Variants in PGR observed in about 807,000 individuals in gnomAD.
PGR encodes the protein nuclear receptor subfamily 3 group C member 3.
PGR carries 25 observed loss-of-function variants against 76.1 expected under a neutral mutation model. The observed-to-expected ratio is 0.33, with a 90% CI of 0.24 to 0.46. The LOEUF is 0.46. PGR is among the 20% of genes least tolerant of loss of function. PGR has a pLI of 1.00. For synonymous variants in PGR, 579 were observed against 535.0 expected (o/e 1.08, Z -1.14); for missense variants, 1,172 against 1,225.3 (o/e 0.96, Z 0.65).
chr11:101,042,081 C>T lies in PGR; in HGVS notation c.2510G>A (p.Ser837Asn), dbSNP rs1473894794. Residue 837 changes from serine (S) to asparagine (N), a missense_variant, in exon 7 of 8, where the codon AGT becomes AAT. Ser to Asn is a conservative substitution (Grantham distance 46). Transcript: ENST00000325455. ...CCTCATCTCCTCAAACTGGGTTTGACTTCGTAGCCCTTCCAAAGGAACTGT... is the reference window on the plus strand; with the variant it reads ...CCTCATCTCCTCAAACTGGGTTTGATTTCGTAGCCCTTCCAAAGGAACTGT... ...LNTIPLEGLR[S>N]QTQFEEMRSS... 2 of 1,613,458 alleles carry T rather than the reference C, an allele frequency of 1.2e-6. No homozygotes were observed. Among genetic ancestry groups the T allele is most frequent in the Non-Finnish European group, 8.5e-7 (1 of 1,179,624 alleles).
At chr11:101,065,742 T>C (rs1215748486) in intron 3 of PGR, among the ~76,000 whole-genome samples, 1 of 152,032 alleles carries the variant, frequency 6.6e-6, no homozygotes, top group African/African-American at 2.4e-5. Context: ...GGGAGCTTTG[T>C]TGGCTGGAAG....
chr11:101,103,629 A>G (rs1417154136), intron 2 of PGR, among the ~76,000 whole-genome samples: 1 of 152,172 alleles, frequency 6.6e-6, no homozygotes, highest in Non-Finnish European at 1.5e-5. Context: ...ACCTGATGGA[A>G]TTTTTGCCAA....
chr11:101,128,917 G>T lies in PGR; in HGVS notation c.154C>A (p.Pro52Thr). The change falls in exon 1 of 8, where the codon CCT (proline) becomes ACT (threonine). Residue 52 changes from proline to threonine, a missense_variant. Coordinates refer to ENST00000325455, the MANE Select transcript of PGR (RefSeq NM_000926.4). ...AAGAGTAGCCCGTCCAGGGAGATAG[G>T]TATGGCCGAAACTTCAGGCAAGGTG... ...SDTLPEVSAI[P>T]ISLDGLLFPR... The T allele has an allele frequency of 6.2e-7, 1 of 1,613,560 alleles. No homozygotes were observed. Among genetic ancestry groups the T allele is most frequent in the Non-Finnish European group, 8.5e-7 (1 of 1,179,742 alleles).
rs567363341 is a variant in PGR at position 101,032,254 on chromosome 11, T to C, written c.*6862A>G. 4.3e-6 allele frequency: 1 copy of C among 233,080 alleles called. No individual in the cohort carries two copies. The highest frequency in any genetic ancestry group is 8.5e-6 in the Non-Finnish European group (1 of 117,938). 14.4% of individuals were successfully genotyped at this position (233,080 alleles called of 1,614,324 possible). A position where few individuals can be genotyped will look rare whatever the true frequency, so the allele number is the denominator to read the frequency against. ...GGTCATGATCACCTACAATTCTTCA[T>C]GTTTATGATCATCATTTTCACCAAA... On this transcript the variant is annotated 3_prime_UTR_variant, in exon 8 of 8. Transcript: ENST00000325455.
At chr11:101,092,194 G>A (rs1348528357) in intron 2 of PGR, among the ~76,000 whole-genome samples, 1 of 152,166 alleles carries the variant, frequency 6.6e-6, no homozygotes, top group Non-Finnish European at 1.5e-5. Flanking sequence ...TTCAAGATTA[G>A]CTACACGTTT....
rs1033401210 is a variant in PGR at position 101,037,462 on chromosome 11, T to C, written c.*1654A>G. ...AATGAAATTAGAAATGAAGAAAGTT[T>C]TTATGCTGAGGTTTACAGTACAAAA... is the stretch of plus-strand genomic sequence containing the variant. On this transcript the variant is annotated 3_prime_UTR_variant, in exon 8 of 8. Transcript: ENST00000325455. The C allele has an allele frequency of 3.6e-5, 8 of 223,080 alleles. No homozygotes were observed. Among genetic ancestry groups the C allele is most frequent in the Non-Finnish European group, 7.2e-5 (8 of 111,690 alleles). The allele number at this position is 223,080 out of a possible 1,614,324, so 13.8% of individuals were successfully genotyped here. A position where few individuals can be genotyped will look rare whatever the true frequency, so the allele number is the denominator to read the frequency against.
chr11:101,124,452 G>C (rs1862777767), intron 2 of PGR, among the ~76,000 whole-genome samples: 1 of 152,110 alleles, frequency 6.6e-6, no homozygotes, highest in African/African-American at 2.4e-5. Flanking sequence ...CTAACAATCA[G>C]CTACTAACTA....
intron 6 of PGR, among the ~76,000 whole-genome samples, chr11:101,046,552 A>C (rs1031329531): frequency 3.3e-5 from 5 of 151,858 alleles, no homozygotes; most frequent in Admixed American, 3.3e-4. Flanking sequence ...GAGAGGTTTA[A>C]GTTCATAACT....
rs775092033 is a variant in PGR at position 101,127,471 on chromosome 11, G to C, written c.1600C>G (p.Leu534Val). The change falls in exon 1 of 8, where the codon CTG becomes GTG. Residue 534 changes from leucine (L) to valine (V), a missense_variant. By Grantham distance (32) the Leu-to-Val change is conservative. Coordinates refer to ENST00000325455, the MANE Select transcript of PGR (RefSeq NM_000926.4). ...GYQAAVLKEG[L>V]PQVYPPYLNY... ...AGATAGGGCGGGTAGACCTGCGGCAGGCCCTCCTTGAGCACGGCGGCCTGG... is the reference window on the plus strand; with the variant it reads ...AGATAGGGCGGGTAGACCTGCGGCACGCCCTCCTTGAGCACGGCGGCCTGG... The C allele has an allele frequency of 2.0e-5, 31 of 1,560,508 alleles. No individual in the cohort carries two copies. Among genetic ancestry groups the C allele is most frequent in the Non-Finnish European group, 2.7e-5 (31 of 1,156,608 alleles).
At chr11:101,050,118 C>T in intron 5 of PGR, 59 bp from the exon 6 acceptor site, 1 of 1,562,978 alleles carries the variant, frequency 6.4e-7, no homozygotes, top group Non-Finnish European at 8.8e-7. Context: ...AGTGTCTCAG[C>T]CAGTTTAGGT....
intron 3 of PGR, among the ~76,000 whole-genome samples, chr11:101,067,265 T>A (rs1860754522): frequency 6.6e-6 from 1 of 152,214 alleles, no homozygotes; most frequent in Non-Finnish European, 1.5e-5. Context: ...TGTTTTTATC[T>A]ATCCTATAGA....
At chr11:101,124,997 T>G (rs1275324560) in intron 2 of PGR, among the ~76,000 whole-genome samples, 2 of 151,884 alleles carry the variant, frequency 1.3e-5, no homozygotes, top group Non-Finnish European at 2.9e-5. Flanking sequence ...TTTCTGCTTG[T>G]AAGGAGAGGG....
intron 2 of PGR, among the ~76,000 whole-genome samples, chr11:101,099,315 A>C (rs1861927854): frequency 6.6e-6 from 1 of 152,182 alleles, no homozygotes. Context: ...GACATAGAAA[A>C]ATACTATCTG....
intron 2 of PGR, among the ~76,000 whole-genome samples, chr11:101,093,062 A>G (rs140302587): frequency 2.2e-4 from 34 of 152,350 alleles, no homozygotes; most frequent in Middle Eastern, 6.8e-3. Context: ...AGCTGATATC[A>G]AGAAGGTTCC....
Position 101,128,601 on chromosome 11 carries a change from G to A in PGR, c.470C>T (p.Thr157Ile), listed in dbSNP as rs1353318857. ...CATGAGCGGGGACAACACCCGCTGG[G>A]TGGCGGGGGCAGCCGGTGGATCTTC... The part of the protein sequence containing the change: ...LPEDPPAAPA[T>I]QRVLSPLMSR... Residue 157 changes from threonine (T) to isoleucine (I), a missense_variant, in exon 1 of 8, where the codon ACC becomes ATC. Transcript: ENST00000325455. 6.3e-7 allele frequency: 1 copy of A among 1,592,726 alleles called. No homozygotes were observed. The highest frequency in any genetic ancestry group is 1.1e-5 in the South Asian group (1 of 88,726).
At chr11:101,120,135 G>GTATTA (rs1862631288) in intron 2 of PGR, among the ~76,000 whole-genome samples, 1 of 152,210 alleles carries the variant, frequency 6.6e-6, no homozygotes, top group South Asian at 2.1e-4. Context: ...ATACTACGGT[G>GTATTA]TGTTGGCCAC....
At chr11:101,105,040 GA>G (rs1862107696) in intron 2 of PGR, among the ~76,000 whole-genome samples, 1 of 152,132 alleles carries the variant, frequency 6.6e-6, no homozygotes. Context: ...GAGGAAAGAA[GA>G]AATTGCTAAG....
At chr11:101,064,348 A>C (rs1326995296) in intron 3 of PGR, among the ~76,000 whole-genome samples, 85 of 143,008 alleles carry the variant, frequency 5.9e-4, no homozygotes, top group South Asian at 1.3e-3. Flanking sequence ...AAAAAAAAAA[A>C]AAAAAAAAAA....
At chr11:101,089,703 A>G (rs1046486948) in intron 3 of PGR, among the ~76,000 whole-genome samples, 1 of 150,814 alleles carries the variant, frequency 6.6e-6, no homozygotes, top group African/African-American at 2.4e-5. Flanking sequence ...GGAGGAAGGA[A>G]AGAAGAAGGA....
Sources: gnomAD v4.1 joint callset for allele counts (sites outside exome capture counted in the v4.1 genomes callset) on GRCh38, gnomAD v4.1.1 for gene constraint, MANE v1.5 for transcripts, NCBI Gene and HGNC (gene_info 2026-07-23, HGNC 2026-07-21) for gene names.